The following TTLL5 variants were observed in gnomAD, a reference collection of about 807,000 sequenced individuals.
TTLL5 encodes tubulin tyrosine ligase like 5, also known as tubulin polyglutamylase TTLL5.
Under a neutral mutation model 168.4 loss-of-function variants are expected in TTLL5, and 132 were observed. The observed-to-expected ratio is 0.78, with a 90% confidence interval of 0.68 to 0.91. TTLL5 has a LOEUF of 0.91. Among genes scored for constraint, TTLL5 ranks in the 40% least tolerant of loss-of-function variants. The pLI is 0.00. For synonymous variants in TTLL5, 546 were observed against 558.6 expected (o/e 0.98, Z 0.32); for missense variants, 1,545 against 1,581.5 (o/e 0.98, Z 0.39).
intron 5 of TTLL5, among the ~76,000 whole-genome samples, chr14:75,688,107 A>G (rs1338077696): frequency 6.6e-6 from 1 of 152,130 alleles, no homozygotes; most frequent in African/African-American, 2.4e-5. Flanking sequence ...GTGTCCTTTT[A>G]TATACTAATG....
Position 75,926,078 on chromosome 14 carries a change from GGGCCGTGGGGAGAGGGAGA to G in TTLL5, c.3823+23857_3823+23875del, listed in dbSNP as rs1165044053. Among the ~76,000 whole-genome samples, 8 of 150,288 alleles carry G rather than the reference GGGCCGTGGGGAGAGGGAGA, an allele frequency of 5.3e-5. No individual in the cohort carries two copies. The East Asian group carries it at 1.6e-3, about 29-fold the overall frequency. On this transcript the variant is annotated intron_variant, in intron 31 of 31. Coordinates refer to ENST00000298832, the MANE Select transcript of TTLL5 (RefSeq NM_015072.5). ...AGGGAGACCGTGGGCCGTGGGCCGT[GGGCCGTGGGGAGAGGGAGA>G]GGGAGAGGGAGAGGGAGAACTTGTC...
At chr14:75,944,515 C>G (rs2034708672) in intron 31 of TTLL5, among the ~76,000 whole-genome samples, 1 of 152,174 alleles carries the variant, frequency 6.6e-6, no homozygotes, top group Non-Finnish European at 1.5e-5. Flanking sequence ...CCAACTACCA[C>G]CTGTCAGTGG....
At chr14:75,799,532 A>G (rs1595060944) in intron 27 of TTLL5, among the ~76,000 whole-genome samples, 1 of 151,842 alleles carries the variant, frequency 6.6e-6, no homozygotes, top group Non-Finnish European at 1.5e-5. Flanking sequence ...ATACCTGGTG[A>G]TTTTTGCATT....
chr14:75,906,003 C>T (rs1595244558), intron 31 of TTLL5, among the ~76,000 whole-genome samples: 1 of 152,322 alleles, frequency 6.6e-6, no homozygotes, highest in African/African-American at 2.4e-5. Context: ...TTCGTTGTTT[C>T]TGGCCCTAGT....
At chr14:75,829,947 G>C (rs1366736386) in intron 28 of TTLL5, among the ~76,000 whole-genome samples, 2 of 152,118 alleles carry the variant, frequency 1.3e-5, no homozygotes, top group African/African-American at 4.8e-5. Context: ...AAGTTGGTGT[G>C]GGGGAATTAG....
intron 28 of TTLL5, among the ~76,000 whole-genome samples, chr14:75,852,751 C>T (rs192027991): frequency 3.8e-4 from 58 of 152,314 alleles, no homozygotes; most frequent in African/African-American, 1.4e-3. Context: ...AATCAAAGCA[C>T]TTGTCACCAT....
intron 27 of TTLL5, among the ~76,000 whole-genome samples, chr14:75,796,194 AT>A (rs1205650945): frequency 7.9e-5 from 12 of 152,114 alleles, no homozygotes; most frequent in Admixed American, 3.9e-4. Context: ...GATGTTGAGC[AT>A]TTTCTCATAT....
chr14:75,757,869 G>C, intron 18 of TTLL5: 1 of 1,589,372 alleles, frequency 6.3e-7, no homozygotes, highest in Non-Finnish European at 8.5e-7. Context: ...GGAAGAACAC[G>C]GTAATTGACT....
At chr14:75,861,158 G>C (rs2029951984) in intron 28 of TTLL5, among the ~76,000 whole-genome samples, 2 of 117,946 alleles carry the variant, frequency 1.7e-5, no homozygotes, top group South Asian at 6.0e-4. Flanking sequence ...AGAAGATTAG[G>C]AGATGGTATA....
chr14:75,913,756 G>A (rs1202414879), intron 31 of TTLL5, among the ~76,000 whole-genome samples: 1 of 151,832 alleles, frequency 6.6e-6, no homozygotes, highest in Non-Finnish European at 1.5e-5. Flanking sequence ...GCTCACACCT[G>A]TAATCCCAGT....
chr14:75,769,600 T>C (rs769558398), intron 20 of TTLL5, among the ~76,000 whole-genome samples: 51 of 151,678 alleles, frequency 3.4e-4, no homozygotes, highest in Non-Finnish European at 5.9e-4. Context: ...TCTCAACTTA[T>C]GAGCAATAAT....
intron 15 of TTLL5, among the ~76,000 whole-genome samples, chr14:75,738,548 G>A (rs1889050878): frequency 6.6e-6 from 1 of 152,148 alleles, no homozygotes; most frequent in South Asian, 2.1e-4. Flanking sequence ...TGGCTCTGTA[G>A]TATGAGTTTT....
intron 29 of TTLL5, among the ~76,000 whole-genome samples, chr14:75,868,297 T>C (rs564452863): frequency 6.6e-6 from 1 of 152,324 alleles, no homozygotes; most frequent in South Asian, 2.1e-4. Flanking sequence ...TTAACAATCA[T>C]GGGAGAAAGG....
At chr14:75,911,270 C>T (rs1046077979) in intron 31 of TTLL5, among the ~76,000 whole-genome samples, 1 of 152,096 alleles carries the variant, frequency 6.6e-6, no homozygotes, top group Admixed American at 6.5e-5. Context: ...TGACCTCAAG[C>T]GATTTGCCCA....
At position 75,798,537 on chromosome 14, in the gene TTLL5, C is replaced by G. The variant is rs190919086; in HGVS notation, c.3171+5437C>G. On this transcript the variant is annotated intron_variant, in intron 27 of 31. Coordinates refer to ENST00000298832, the MANE Select transcript of TTLL5 (RefSeq NM_015072.5). Reference sequence around the variant, plus strand: ...TTGGTTTGTTCTTGTTTCTCTAGTTCTCTGAGATGTGACCTTAGATTGTCT... The same window carrying G: ...TTGGTTTGTTCTTGTTTCTCTAGTTGTCTGAGATGTGACCTTAGATTGTCT... 3.8e-3 allele frequency among the ~76,000 whole-genome samples: 580 copies of G among 151,988 alleles called. 2 individuals are homozygous for G. Among genetic ancestry groups the G allele is most frequent in the Non-Finnish European group, 5.7e-3 (388 of 67,942 alleles).
chr14:75,715,316 T>C (rs561634390), intron 9 of TTLL5, among the ~76,000 whole-genome samples: 2 of 149,008 alleles, frequency 1.3e-5, no homozygotes, highest in Non-Finnish European at 3.0e-5. Context: ...ATGTGGGCCC[T>C]GGCTACCCCT....
At chr14:75,709,367 C>T (rs1448657230) in intron 9 of TTLL5, 1 of 586,980 alleles carries the variant, frequency 1.7e-6, no homozygotes, top group East Asian at 2.8e-5. Flanking sequence ...ACTAACCAAA[C>T]CTCGCTGGTG....
At chr14:75,898,852 A>G (rs2032793546) in intron 30 of TTLL5, among the ~76,000 whole-genome samples, 1 of 152,194 alleles carries the variant, frequency 6.6e-6, no homozygotes, top group Admixed American at 6.5e-5. Context: ...AATTTTTACT[A>G]TGAGATTTTT....
chr14:75,778,767 A>G (rs1891874201), intron 23 of TTLL5, among the ~76,000 whole-genome samples: 1 of 152,238 alleles, frequency 6.6e-6, no homozygotes, highest in Non-Finnish European at 1.5e-5. Context: ...TGATATGTTC[A>G]ATAGAAGAAT....
Sources: allele counts gnomAD v4.1 joint callset (sites outside exome capture counted in the v4.1 genomes callset), GRCh38; gene constraint gnomAD v4.1.1; transcripts MANE v1.5; gene names NCBI Gene and HGNC (gene_info 2026-07-23, HGNC 2026-07-21).